Variants in FLRT1 observed in about 807,000 individuals in gnomAD.
The protein encoded by FLRT1 is leucine-rich repeat transmembrane protein FLRT1.
FLRT1 carries 14 observed loss-of-function variants against 30.9 expected under a neutral mutation model. The ratio of observed to expected loss-of-function variants is 0.45; its 90% CI spans 0.30 to 0.71. The LOEUF is 0.71. Among genes scored for constraint, FLRT1 ranks in the 30% least tolerant of loss-of-function variants. The pLI, the probability that FLRT1 is intolerant of heterozygous loss-of-function variation, is 0.08. For missense variants in FLRT1, 737 were observed against 949.2 expected, an observed-to-expected ratio of 0.78 and a Z score of 2.94; for synonymous variants, 368 against 430.4, an observed-to-expected ratio of 0.85 and a Z score of 1.80.
chr11:64,117,495 T>A lies in FLRT1; in HGVS notation c.1228T>A (p.Phe410Ile). The A allele has an allele frequency of 6.2e-7, 1 of 1,611,214 alleles. No individual in the cohort carries two copies. Among genetic ancestry groups the A allele is most frequent in the Non-Finnish European group, 8.5e-7 (1 of 1,177,992 alleles). Reference sequence around the variant, plus strand: ...TGCCACCACGCCCCAGGGTTCCCTGTTTACCCTCAAGGCCAAAAGGCCAGG... The same window carrying A: ...TGCCACCACGCCCCAGGGTTCCCTGATTACCCTCAAGGCCAAAAGGCCAGG... ...ASATTPQGSL[F>I]TLKAKRPGLR... The change falls in exon 3 of 3, where the codon TTT becomes ATT. Residue 410 changes from phenylalanine to isoleucine, a missense_variant. Phe to Ile is a conservative substitution (Grantham distance 21). Coordinates refer to ENST00000682287, the MANE Select transcript of FLRT1 (RefSeq NM_013280.5).
intron 1 of FLRT1, among the ~76,000 whole-genome samples, chr11:64,055,625 C>T (rs1943771237): frequency 6.6e-6 from 1 of 152,232 alleles, no homozygotes. Flanking sequence ...GGGACATCAT[C>T]TTTTGCTTCT....
At chr11:64,100,797 G>A (rs1944657681) in intron 1 of FLRT1, among the ~76,000 whole-genome samples, 1 of 152,168 alleles carries the variant, frequency 6.6e-6, no homozygotes, top group South Asian at 2.1e-4. Context: ...GGGCACAGAC[G>A]CTGAGGAGCC....
At position 64,116,474 on chromosome 11, in the gene FLRT1, C is replaced by T. The variant is rs772438866; in HGVS notation, c.207C>T (p.Asp69=). Reference sequence around the variant, plus strand: ...ACAACGGCTTCATCTACTGCAACGACCGGGGACTCACATCCATCCCCGCAG... The same window carrying T: ...ACAACGGCTTCATCTACTGCAACGATCGGGGACTCACATCCATCCCCGCAG... ...RCDNGFIYCN[D]RGLTSIPADI... is the part of the protein sequence containing the mutation. Residue 69 remains aspartate (D), a synonymous_variant, in exon 3 of 3, where the codon GAC becomes GAT. Transcript: ENST00000682287. 12 of 1,614,084 alleles carry T rather than the reference C, an allele frequency of 7.4e-6. No individual in the cohort carries two copies. The highest frequency in any genetic ancestry group is 2.2e-5 in the East Asian group (1 of 44,882).
intron 1 of FLRT1, among the ~76,000 whole-genome samples, chr11:64,079,932 G>C (rs1944274280): frequency 6.6e-6 from 1 of 152,154 alleles, no homozygotes; most frequent in Non-Finnish European, 1.5e-5. Context: ...ATCACAGGAA[G>C]GGACAAACTG....
intron 1 of FLRT1, among the ~76,000 whole-genome samples, chr11:64,085,865 A>G (rs1010747067): frequency 4.6e-5 from 7 of 152,212 alleles, no homozygotes; most frequent in African/African-American, 1.7e-4. Flanking sequence ...TGATGCAGAT[A>G]AAGTCCTGGG....
intron 2 of FLRT1, among the ~76,000 whole-genome samples, chr11:64,106,828 AC>A (rs1265544736): frequency 1.3e-5 from 2 of 151,610 alleles, no homozygotes; most frequent in African/African-American, 2.4e-5. Context: ...CAAAATAAAG[AC>A]CTTTAGCCCC....
chr11:64,114,635 A>G (rs1366989127), intron 2 of FLRT1, among the ~76,000 whole-genome samples: 1 of 151,806 alleles, frequency 6.6e-6, no homozygotes, highest in Non-Finnish European at 1.5e-5. Flanking sequence ...AGGTGCATGC[A>G]TGAATGGATG....
At chr11:64,047,708 C>T (rs1024582700) in intron 1 of FLRT1, among the ~76,000 whole-genome samples, 1 of 151,966 alleles carries the variant, frequency 6.6e-6, no homozygotes, top group African/African-American at 2.4e-5. Flanking sequence ...ACCAGCCTGG[C>T]CAACGTGGTG....
chr11:64,075,811 T>TA (rs1259269766), intron 1 of FLRT1, among the ~76,000 whole-genome samples: 1 of 152,236 alleles, frequency 6.6e-6, no homozygotes, highest in East Asian at 1.9e-4. Context: ...TAGCTGGAGT[T>TA]ATAGACTTGA....
chr11:64,112,249 C>A (rs1375787935), intron 2 of FLRT1, among the ~76,000 whole-genome samples: 1 of 152,210 alleles, frequency 6.6e-6, no homozygotes, highest in Admixed American at 6.5e-5. Context: ...GGCACTGTGG[C>A]TCACCTGTAA....
intron 2 of FLRT1, among the ~76,000 whole-genome samples, chr11:64,109,700 A>G (rs1321095400): frequency 2.6e-5 from 4 of 152,096 alleles, no homozygotes; most frequent in Admixed American, 6.5e-5. Flanking sequence ...GCGGCCCCAC[A>G]GGAGGGGATG....
intron 1 of FLRT1, among the ~76,000 whole-genome samples, chr11:64,065,517 C>T (rs920393729): frequency 1.6e-4 from 25 of 152,226 alleles, no homozygotes; most frequent in South Asian, 1.0e-3. Flanking sequence ...GGGCCAGGCG[C>T]GGTGGCTCAT....
At chr11:64,112,378 G>C (rs993416612) in intron 2 of FLRT1, among the ~76,000 whole-genome samples, 8 of 152,084 alleles carry the variant, frequency 5.3e-5, no homozygotes, top group Non-Finnish European at 1.2e-4. Context: ...GCTGGGCATG[G>C]TGGTGCACAC....
At chr11:64,074,773 C>T (rs1310342932) in intron 1 of FLRT1, among the ~76,000 whole-genome samples, 2 of 152,192 alleles carry the variant, frequency 1.3e-5, no homozygotes, top group Non-Finnish European at 2.9e-5. Context: ...TCTCATGAAA[C>T]AAGCAGGTTA....
chr11:64,068,867 C>T (rs563803279), intron 1 of FLRT1, among the ~76,000 whole-genome samples: 16 of 152,242 alleles, frequency 1.1e-4, no homozygotes, highest in Admixed American at 3.3e-4. Context: ...CTCGGCCTTC[C>T]CCGGAGGTTC....
intron 1 of FLRT1, among the ~76,000 whole-genome samples, chr11:64,063,929 G>A (rs1480363825): frequency 2.6e-5 from 4 of 152,232 alleles, no homozygotes; most frequent in Non-Finnish European, 4.4e-5. Context: ...GCTGCGGAGA[G>A]GTTTGAAAGG....
intron 1 of FLRT1, among the ~76,000 whole-genome samples, chr11:64,088,254 A>G (rs950007620): frequency 6.6e-6 from 1 of 152,162 alleles, no homozygotes; most frequent in Non-Finnish European, 1.5e-5. Context: ...GGGACCAGGC[A>G]AGCACCCAGG....
At chr11:64,094,149 T>G (rs759289880) in intron 1 of FLRT1, among the ~76,000 whole-genome samples, 1 of 151,938 alleles carries the variant, frequency 6.6e-6, no homozygotes, top group Non-Finnish European at 1.5e-5. Flanking sequence ...ATACAAAGCT[T>G]AGGCTGGGCG....
At chr11:64,068,311 C>T (rs1944043071) in intron 1 of FLRT1, among the ~76,000 whole-genome samples, 2 of 152,240 alleles carry the variant, frequency 1.3e-5, no homozygotes, top group Admixed American at 6.5e-5. Context: ...ACCCGCCTGT[C>T]CCACTCTTCC....
Sources: allele counts gnomAD v4.1 joint callset (sites outside exome capture counted in the v4.1 genomes callset), GRCh38; gene constraint gnomAD v4.1.1; transcripts MANE v1.5; gene names NCBI Gene and HGNC (gene_info 2026-07-23, HGNC 2026-07-21).